Variants in VPS13B observed in about 807,000 individuals in gnomAD.
VPS13B encodes the protein vacuolar protein sorting 13 homolog B, also known as intermembrane lipid transfer protein VPS13B.
VPS13B carries 285 observed loss-of-function variants against 426.4 expected under a neutral mutation model. That is an observed-to-expected ratio of 0.67 (90% CI 0.61 to 0.74). VPS13B has a LOEUF of 0.74. Among genes scored for constraint, VPS13B ranks in the 30% least tolerant of loss-of-function variants. The pLI is 0.00. For synonymous variants in VPS13B, 1,676 were observed against 1,676.4 expected, an observed-to-expected ratio of 1.00 and a Z score of 0.01; for missense variants, 4,537 against 4,782.6, an observed-to-expected ratio of 0.95 and a Z score of 1.51.
Position 99,481,579 on chromosome 8 carries a change from C to A in VPS13B, c.3667-20C>A. On this transcript the variant is annotated intron_variant, in intron 24 of 61. Coordinates refer to ENST00000357162, the MANE Select transcript of VPS13B (RefSeq NM_152564.5). ...GAAGTTGAAAGACTTGTTTTCTTTT[C>A]TTTTTTCTTATGCTCTCAGGTCCAG... 1 of 1,611,374 alleles carries A rather than the reference C, an allele frequency of 6.2e-7. No individual in the cohort carries two copies. Among genetic ancestry groups the A allele is most frequent in the South Asian group, 1.1e-5 (1 of 90,938 alleles).
chr8:99,743,523 T>C (rs1809882678), intron 39 of VPS13B, among the ~76,000 whole-genome samples: 1 of 152,154 alleles, frequency 6.6e-6, no homozygotes, highest in Non-Finnish European at 1.5e-5. Flanking sequence ...AAGTCAATCC[T>C]AAGCCAAAAC....
chr8:99,191,873 A>G (rs891231891), intron 16 of VPS13B, among the ~76,000 whole-genome samples: 2 of 152,122 alleles, frequency 1.3e-5, no homozygotes, highest in African/African-American at 2.4e-5. Flanking sequence ...TGTACATTGA[A>G]TTGGTCTCCA....
chr8:99,821,356 T>G lies in VPS13B; in HGVS notation c.9057T>G (p.Ile3019Met), dbSNP rs1338076915. 1.9e-6 allele frequency: 3 copies of G among 1,613,746 alleles called. No homozygotes were observed. The highest frequency in any genetic ancestry group is 2.7e-5 in the African/African-American group (2 of 74,886). ...NTNTVHKSVA[I>M]KLVHNLTSPK... Reference sequence around the variant, plus strand: ...ACACTGTGCACAAGTCAGTAGCAATTAAACTGGTCCATAACCTGACATCTC... The same window carrying G: ...ACACTGTGCACAAGTCAGTAGCAATGAAACTGGTCCATAACCTGACATCTC... The change falls in exon 50 of 62, where the codon ATT becomes ATG. Residue 3019 changes from isoleucine to methionine, a missense_variant. Physicochemically the swap from Ile to Met is conservative, Grantham distance 10. This residue lies in a region of VPS13B where 4,311 missense variants were observed against 4,474.3 expected (regional missense o/e 0.96). Coordinates refer to ENST00000357162, the MANE Select transcript of VPS13B (RefSeq NM_152564.5).
chr8:99,323,351 G>A (rs1028307057), intron 19 of VPS13B, among the ~76,000 whole-genome samples: 4 of 152,234 alleles, frequency 2.6e-5, no homozygotes, highest in Non-Finnish European at 4.4e-5. Context: ...TAGAGGGAAG[G>A]AAACTAACAA....
chr8:99,313,169 G>A (rs550443071), intron 19 of VPS13B, among the ~76,000 whole-genome samples: 12 of 152,224 alleles, frequency 7.9e-5, no homozygotes, highest in African/African-American at 1.4e-4. Context: ...CTCTCAACTC[G>A]TCAAAGTCGT....
At chr8:99,373,959 A>G (rs1413671047) in intron 19 of VPS13B, among the ~76,000 whole-genome samples, 1 of 152,152 alleles carries the variant, frequency 6.6e-6, no homozygotes, top group Non-Finnish European at 1.5e-5. Flanking sequence ...TAAAGCATTT[A>G]TCTTATAGTT....
chr8:99,744,841 G>A (rs1201528395), intron 39 of VPS13B, among the ~76,000 whole-genome samples: 2 of 151,912 alleles, frequency 1.3e-5, no homozygotes, highest in East Asian at 3.9e-4. Flanking sequence ...GAAGGGGGAG[G>A]GATAGCATTA....
At chr8:99,131,137 G>T (rs931714558) in intron 8 of VPS13B, among the ~76,000 whole-genome samples, 1 of 152,054 alleles carries the variant, frequency 6.6e-6, no homozygotes, top group Non-Finnish European at 1.5e-5. Context: ...TTTCTTTTTG[G>T]AATAATTTTA....
At chr8:99,026,874 AT>A (rs1014422277) in intron 2 of VPS13B, among the ~76,000 whole-genome samples, 28 of 148,762 alleles carry the variant, frequency 1.9e-4, no homozygotes, top group African/African-American at 3.5e-4. Context: ...TGTTTTATTT[AT>A]TTTTTTTTTC....
rs746065032 is a variant in VPS13B, at chr8:99,699,691, A to G, written c.6213A>G (p.Pro2071=). 1.2e-6 allele frequency: 2 copies of G among 1,614,206 alleles called. No individual in the cohort carries two copies. Among genetic ancestry groups the G allele is most frequent in the African/African-American group, 1.3e-5 (1 of 75,062 alleles). The change falls in exon 36 of 62, where the codon CCA becomes CCG. Residue 2071 remains proline (P), a synonymous_variant. Transcript: ENST00000357162. ...SNTMVNKDDL[P]VSKYYRGKLS... is the part of the protein sequence containing the mutation. ...CCATGGTGAATAAGGATGATCTTCCAGTCTCCAAATATTACCGTGGAAAGT... is the reference window on the plus strand; with the variant it reads ...CCATGGTGAATAAGGATGATCTTCCGGTCTCCAAATATTACCGTGGAAAGT...
In VPS13B at chr8:99,853,589, G is replaced by A. The variant is rs151315104; in HGVS notation, c.10200G>A (p.Pro3400=). The A allele has an allele frequency of 2.8e-5, 45 of 1,614,006 alleles. No homozygotes were observed. The highest frequency in any genetic ancestry group is 1.6e-4 in the Middle Eastern group (1 of 6,084). The change falls in exon 56 of 62, where the codon CCG becomes CCA. Residue 3400 remains proline, a synonymous_variant. Transcript: ENST00000357162. ...TLDNIFLCVA[P]GAGPLPGEEP... ...ACAACATTTTTCTCTGTGTGGCCCC[G>A]GGAGCTGGTCCCCTCCCTGGGGAAG...
intron 17 of VPS13B, among the ~76,000 whole-genome samples, chr8:99,272,758 T>C (rs1039577486): frequency 1.3e-5 from 2 of 152,228 alleles, no homozygotes; most frequent in African/African-American, 2.4e-5. Context: ...TTTTGGTTAA[T>C]TTATAAAAAT....
At chr8:99,145,546 G>A (rs1810661605) in intron 13 of VPS13B, among the ~76,000 whole-genome samples, 1 of 130,874 alleles carries the variant, frequency 7.6e-6, no homozygotes, top group African/African-American at 2.7e-5. Flanking sequence ...CATTTCAACA[G>A]TGTTAAATAA....
At chr8:99,124,560 A>G (rs1848099481) in intron 8 of VPS13B, among the ~76,000 whole-genome samples, 1 of 152,144 alleles carries the variant, frequency 6.6e-6, no homozygotes, top group East Asian at 1.9e-4. Flanking sequence ...ATTGTGGTAT[A>G]TACATACAGT....
At chr8:99,633,317 T>C (rs1447419616) in intron 33 of VPS13B, among the ~76,000 whole-genome samples, 5 of 152,070 alleles carry the variant, frequency 3.3e-5, no homozygotes, top group Admixed American at 2.6e-4. Context: ...ATAAGCACAG[T>C]CGACTTCTAT....
chr8:99,711,065 T>C (rs1324529561), intron 36 of VPS13B, among the ~76,000 whole-genome samples: 1 of 152,120 alleles, frequency 6.6e-6, no homozygotes, highest in Non-Finnish European at 1.5e-5. Flanking sequence ...ATTATTATGT[T>C]GTAGCTTTTT....
At chr8:99,567,185 C>T (rs1825231239) in intron 31 of VPS13B, among the ~76,000 whole-genome samples, 1 of 152,144 alleles carries the variant, frequency 6.6e-6, no homozygotes, top group Non-Finnish European at 1.5e-5. Context: ...TCAGCAATAC[C>T]CCTAGTCGCT....
chr8:99,869,847 T>C (rs1175289392), intron 59 of VPS13B, among the ~76,000 whole-genome samples: 1 of 152,230 alleles, frequency 6.6e-6, no homozygotes, highest in Non-Finnish European at 1.5e-5. Flanking sequence ...CTAATGACTA[T>C]GCGTCGTTTG....
At chr8:99,078,564 G>T (rs186506284) in intron 3 of VPS13B, among the ~76,000 whole-genome samples, 1 of 152,040 alleles carries the variant, frequency 6.6e-6, no homozygotes, top group African/African-American at 2.4e-5. Flanking sequence ...GATGGGCTGC[G>T]CATGACAGTC....
Sources: gnomAD v4.1 joint callset for allele counts (sites outside exome capture counted in the v4.1 genomes callset) on GRCh38, gnomAD v4.1.1 for gene constraint, gnomAD v4.1.1 regional missense constraint, MANE v1.5 for transcripts, NCBI Gene and HGNC (gene_info 2026-07-23, HGNC 2026-07-21) for gene names.